Variants in SNTB2 observed in about 807,000 individuals in gnomAD.
The protein encoded by SNTB2 is beta-2-syntrophin.
Under a neutral mutation model 46.2 loss-of-function variants are expected in SNTB2, and 34 were observed. The ratio of observed to expected loss-of-function variants is 0.74; its 90% confidence interval spans 0.56 to 0.98. The LOEUF (loss-of-function observed/expected upper bound fraction) is 0.98. SNTB2 is among the 50% of genes least tolerant of loss of function. The pLI is 0.00. For synonymous variants in SNTB2, 290 were observed against 312.6 expected, an observed-to-expected ratio of 0.93 and a Z score of 0.76; for missense variants, 603 against 731.4, an observed-to-expected ratio of 0.82 and a Z score of 2.02.
At chr16:69,273,750 T>G (rs1276653067) in intron 4 of SNTB2, among the ~76,000 whole-genome samples, 1 of 152,150 alleles carries the variant, frequency 6.6e-6, no homozygotes, top group Non-Finnish European at 1.5e-5. Context: ...CCCAACAAGA[T>G]TGAAAAGAGA....
Position 69,270,220 on chromosome 16 carries a change from C to T in SNTB2, c.1083C>T (p.Asp361=), listed in dbSNP as rs757902028. The change falls in exon 4 of 7, where the codon GAC becomes GAT. Residue 361 remains aspartate, a synonymous_variant. Coordinates refer to ENST00000336278, the MANE Select transcript of SNTB2 (RefSeq NM_006750.4). ...AVTEKDLLLY[D]CMPWTRDAWA... ...CTGAGAAGGATTTGCTGCTCTATGA[C>T]TGTATGCCGTGGACAAGAGATGCCT... The T allele has an allele frequency of 2.7e-5, 44 of 1,614,140 alleles. No homozygotes were observed. The highest frequency in any genetic ancestry group is 5.5e-5 in the South Asian group (5 of 91,076).
At chr16:69,278,889 AGTGTGT>A (rs71148981) in intron 4 of SNTB2, among the ~76,000 whole-genome samples, 10,251 of 140,908 alleles carry the variant, frequency 0.073, 373 homozygotes, top group African/African-American at 0.098. Flanking sequence ...AGGTGGGAAG[AGTGTGT>A]GTGTGTGTGT....
intron 2 of SNTB2, among the ~76,000 whole-genome samples, chr16:69,259,552 C>T (rs1194669326): frequency 2.8e-5 from 4 of 143,046 alleles, no homozygotes; most frequent in African/African-American, 1.0e-4. Flanking sequence ...TTTATCTTTC[C>T]ATGTGTTGTT....
At chr16:69,263,869 T>G (rs1964859862) in intron 3 of SNTB2, among the ~76,000 whole-genome samples, 1 of 149,928 alleles carries the variant, frequency 6.7e-6, no homozygotes, top group Non-Finnish European at 1.5e-5. Context: ...TAAATGTAAT[T>G]TTTTTTTTTT....
chr16:69,224,152 A>T (rs924387258), intron 1 of SNTB2, among the ~76,000 whole-genome samples: 1 of 151,958 alleles, frequency 6.6e-6, no homozygotes, highest in African/African-American at 2.4e-5. Flanking sequence ...TAATCTAGTC[A>T]TATAAACCTT....
At chr16:69,290,951 C>T (rs916898951) in intron 5 of SNTB2, among the ~76,000 whole-genome samples, 3 of 152,152 alleles carry the variant, frequency 2.0e-5, no homozygotes, top group South Asian at 4.1e-4. Context: ...CAATATCAGT[C>T]TAATTTGTTA....
chr16:69,190,791 C>T (rs576595243), intron 1 of SNTB2, among the ~76,000 whole-genome samples: 1 of 152,130 alleles, frequency 6.6e-6, no homozygotes, highest in African/African-American at 2.4e-5. Flanking sequence ...TGGTTTGTAA[C>T]CCCTAGGCAA....
chr16:69,285,264 T>A (rs1399117654), intron 5 of SNTB2, among the ~76,000 whole-genome samples: 4 of 152,084 alleles, frequency 2.6e-5, no homozygotes, highest in Admixed American at 2.6e-4. Flanking sequence ...GTTTCTCTAG[T>A]TTACTAGCAA....
intron 1 of SNTB2, among the ~76,000 whole-genome samples, chr16:69,195,996 T>C (rs1279766689): frequency 1.3e-5 from 2 of 152,130 alleles, no homozygotes; most frequent in Non-Finnish European, 2.9e-5. Flanking sequence ...ATCCCAGCAC[T>C]TTGGGAGGTC....
chr16:69,241,302 C>G (rs574361125), intron 1 of SNTB2, among the ~76,000 whole-genome samples: 1 of 148,418 alleles, frequency 6.7e-6, no homozygotes, highest in Non-Finnish European at 1.5e-5. Flanking sequence ...TCAGCCTCCC[C>G]AGTAGCTGGG....
intron 5 of SNTB2, among the ~76,000 whole-genome samples, chr16:69,293,629 G>C (rs1965195925): frequency 6.6e-6 from 1 of 152,172 alleles, no homozygotes; most frequent in Non-Finnish European, 1.5e-5. Flanking sequence ...GGTACTTGGA[G>C]GTAAGGTACA....
At chr16:69,290,327 T>A (rs1473129235) in intron 5 of SNTB2, among the ~76,000 whole-genome samples, 2 of 152,212 alleles carry the variant, frequency 1.3e-5, no homozygotes, top group African/African-American at 4.8e-5. Context: ...ATTTTCATCA[T>A]ACCAATTATT....
At chr16:69,193,318 CTTTTTTTTTTTTTTT>C (rs57663863) in intron 1 of SNTB2, among the ~76,000 whole-genome samples, 2 of 70,194 alleles carry the variant, frequency 2.8e-5, no homozygotes, top group African/African-American at 6.3e-5. Flanking sequence ...ATGGTATAGA[CTTTTTTTTTTTTTTT>C]TTTTTTTTTT....
intron 3 of SNTB2, among the ~76,000 whole-genome samples, chr16:69,262,006 T>C (rs1964839376): frequency 6.6e-6 from 1 of 152,040 alleles, no homozygotes; most frequent in South Asian, 2.1e-4. Context: ...ACCAGGAGCT[T>C]GAGACCAACC....
rs138050737 is a variant in SNTB2 at position 69,271,426 on chromosome 16, C to T, written c.1148+1141C>T. Among the ~76,000 whole-genome samples the T allele has an allele frequency of 2.7e-3, 410 of 152,178 alleles. 1 individual carries two copies. Among genetic ancestry groups the T allele is most frequent in the Non-Finnish European group, 5.0e-3 (342 of 67,990 alleles). ...TTTCTTAATATTTGGTTTTTTAAAT[C>T]CCCACTAAATTATAACCTCCTTGCA... On this transcript the variant is annotated intron_variant, in intron 4 of 6. Transcript: ENST00000336278.
At chr16:69,256,912 G>GT (rs1231335068) in intron 2 of SNTB2, among the ~76,000 whole-genome samples, 2 of 152,194 alleles carry the variant, frequency 1.3e-5, no homozygotes, top group Non-Finnish European at 2.9e-5. Flanking sequence ...GCTCACGCCT[G>GT]TAATACCAGC....
intron 4 of SNTB2, among the ~76,000 whole-genome samples, chr16:69,281,498 T>G (rs1013922863): frequency 2.7e-4 from 41 of 149,928 alleles, no homozygotes; most frequent in South Asian, 1.1e-3. Context: ...TTTTTTTTTT[T>G]GTTTTTTTTT....
chr16:69,257,169 CAAAAA>C (rs35505662), intron 2 of SNTB2, among the ~76,000 whole-genome samples: 1 of 101,810 alleles, frequency 9.8e-6, no homozygotes. Context: ...GACTCCATCT[CAAAAA>C]AAAAAAAAAA....
In SNTB2 at chr16:69,196,477, C is replaced by T. The variant is rs1026556151; in HGVS notation, c.580+8731C>T. Among the ~76,000 whole-genome samples the T allele has an allele frequency of 8.0e-5, 12 of 149,902 alleles. No homozygotes were observed. In the East Asian group the frequency reaches 1.2e-3, roughly 15 times the overall value. ...GCAACCTCTGCCTCCTGGGTTCAAG[C>T]GATTCTCCTGCCTCAGCCTCCTGAG... On this transcript the variant is annotated intron_variant, in intron 1 of 6. Coordinates refer to ENST00000336278, the MANE Select transcript of SNTB2 (RefSeq NM_006750.4).
Sources: allele counts gnomAD v4.1 joint callset (sites outside exome capture counted in the v4.1 genomes callset), GRCh38; gene constraint gnomAD v4.1.1; transcripts MANE v1.5; gene names NCBI Gene and HGNC (gene_info 2026-07-23, HGNC 2026-07-21).